SCOC: variants seen among roughly 807,000 people sequenced by gnomAD.
The protein encoded by SCOC is short coiled coil protein.
SCOC carries 7 observed loss-of-function variants against 9.9 expected under a neutral mutation model. That is an observed-to-expected ratio of 0.71 (90% CI 0.40 to 1.33). The LOEUF (loss-of-function observed/expected upper bound fraction) is 1.33. SCOC is among the 40% of genes most tolerant of loss of function. SCOC has a pLI of 0.01. For missense variants in SCOC, 66 were observed against 89.7 expected (o/e 0.74, Z 1.07); for synonymous variants, 19 against 28.2 (o/e 0.67, Z 1.03).
rs1425014018 is a variant in SCOC at position 140,286,692 on chromosome 4, A to G, written c.-19+29282A>G. 3.9e-5 allele frequency among the ~76,000 whole-genome samples: 6 copies of G among 152,232 alleles called. No homozygotes were observed. In the East Asian group the frequency reaches 7.7e-4, roughly 20 times the overall value. ...CTTGAGCGCATAAGCATGACTGCCA[A>G]TATCACGGTTGGTTAGCTTGTGGCC... On this transcript the variant is annotated intron_variant, in intron 1 of 4. Transcript: ENST00000394205.
At chr4:140,332,672 C>T (rs904107432) in intron 1 of SCOC, among the ~76,000 whole-genome samples, 3 of 152,042 alleles carry the variant, frequency 2.0e-5, no homozygotes, top group Admixed American at 6.6e-5. Context: ...CCACCGCGCC[C>T]GGCCTGGAGT....
chr4:140,279,158 T>C (rs1358585303), intron 1 of SCOC, among the ~76,000 whole-genome samples: 1 of 152,150 alleles, frequency 6.6e-6, no homozygotes, highest in African/African-American at 2.4e-5. Flanking sequence ...CTGGAGAATA[T>C]TCTCTCTCAT....
intron 2 of SCOC, chr4:140,366,582 C>T (rs1727807326): frequency 6.2e-7 from 1 of 1,604,986 alleles, no homozygotes; most frequent in African/African-American, 1.3e-5. Flanking sequence ...CTTCAATCTT[C>T]TTGGCCCATC....
intron 1 of SCOC, among the ~76,000 whole-genome samples, chr4:140,337,853 G>A (rs1035252471): frequency 6.6e-6 from 1 of 152,092 alleles, no homozygotes; most frequent in African/African-American, 2.4e-5. Context: ...ATTCACAGCT[G>A]AATTCTACCA....
chr4:140,359,149 G>C (rs1396602893), intron 2 of SCOC, among the ~76,000 whole-genome samples: 11 of 152,210 alleles, frequency 7.2e-5, no homozygotes, highest in Admixed American at 7.2e-4. Flanking sequence ...GAGTGATTCA[G>C]GAAGGGCTTA....
intron 1 of SCOC, among the ~76,000 whole-genome samples, chr4:140,296,889 C>A (rs542505705): frequency 6.6e-6 from 1 of 152,302 alleles, no homozygotes; most frequent in South Asian, 2.1e-4. Context: ...CCTGTCACTG[C>A]CCTTGCTGTG....
intron 1 of SCOC, among the ~76,000 whole-genome samples, chr4:140,265,990 G>T (rs933134984): frequency 6.6e-6 from 1 of 152,164 alleles, no homozygotes; most frequent in Non-Finnish European, 1.5e-5. Context: ...CCTCTGCTCT[G>T]TCCAGGGCTG....
intron 3 of SCOC, 123 bp from the exon 4 acceptor site, chr4:140,380,839 A>T: frequency 1.4e-6 from 1 of 723,094 alleles, no homozygotes; most frequent in Non-Finnish European, 2.1e-6. Context: ...GCTGTCTCTA[A>T]AATCCGAATT....
At chr4:140,291,367 G>T (rs778959806) in intron 1 of SCOC, 3 of 455,322 alleles carry the variant, frequency 6.6e-6, no homozygotes, top group Non-Finnish European at 1.3e-5. Flanking sequence ...GGTGGCAGCC[G>T]CCTGGCTCTT....
At chr4:140,370,138 T>C (rs1191716948), upstream of SCOC, among the ~76,000 whole-genome samples, 1 of 152,178 alleles carries the variant, frequency 6.6e-6, no homozygotes, top group Non-Finnish European at 1.5e-5. Context: ...TGTTTAGAAG[T>C]ACATAGTTTG....
At chr4:140,336,914 T>A (rs891324778) in intron 1 of SCOC, among the ~76,000 whole-genome samples, 1 of 152,230 alleles carries the variant, frequency 6.6e-6, no homozygotes, top group African/African-American at 2.4e-5. Flanking sequence ...TTTGTTTTCA[T>A]TTTAAATTAA....
At chr4:140,366,767 C>G in intron 2 of SCOC, 1 of 1,455,026 alleles carries the variant, frequency 6.9e-7, no homozygotes. Context: ...CTGTTTTGAT[C>G]AATAACATCT....
At chr4:140,305,410 C>T (rs937329685) in intron 1 of SCOC, among the ~76,000 whole-genome samples, 5 of 152,178 alleles carry the variant, frequency 3.3e-5, no homozygotes, top group Non-Finnish European at 7.3e-5. Flanking sequence ...AGGGCAGGAA[C>T]AAGCAGCAAA....
upstream of SCOC, among the ~76,000 whole-genome samples, chr4:140,368,710 G>C: frequency 6.6e-6 from 1 of 152,144 alleles, no homozygotes; most frequent in African/African-American, 2.4e-5. Flanking sequence ...TAAGTTGCAG[G>C]AGAAAAGGCG....
chr4:140,362,211 T>C (rs1224082662), intron 2 of SCOC, among the ~76,000 whole-genome samples: 3 of 107,482 alleles, frequency 2.8e-5, no homozygotes, highest in East Asian at 3.3e-4. Flanking sequence ...ACTATCCTGG[T>C]AATTACTAAT....
At position 140,379,052 on chromosome 4, in the gene SCOC, C is replaced by T. The variant is rs575759210; in HGVS notation, c.-50-69C>T. 1.6e-4 allele frequency: 155 copies of T among 951,710 alleles called. 1 individual carries two copies. The highest frequency in any genetic ancestry group is 2.1e-4 in the Middle Eastern group (1 of 4,728). The allele number at this position is 951,710 out of a possible 1,614,324, so 59.0% of individuals were successfully genotyped here. A position where few individuals can be genotyped will look rare whatever the true frequency, so the allele number is the denominator to read the frequency against. On this transcript the variant is annotated intron_variant, in intron 1 of 3. Transcript: ENST00000608372. ...CTATGTCATAGTTAACAAAATCATC[C>T]TCCTTTGAAAAACAGGCTTATAGTT... is the stretch of plus-strand genomic sequence containing the variant.
chr4:140,343,910 G>A (rs1188561308), intron 2 of SCOC, among the ~76,000 whole-genome samples: 4 of 150,934 alleles, frequency 2.7e-5, no homozygotes, highest in Non-Finnish European at 4.4e-5. Context: ...TAAAGTTGCT[G>A]TCATTATATA....
At chr4:140,335,802 A>T (rs1447865371) in intron 1 of SCOC, among the ~76,000 whole-genome samples, 1 of 152,122 alleles carries the variant, frequency 6.6e-6, no homozygotes, top group Non-Finnish European at 1.5e-5. Flanking sequence ...GAGAATGATG[A>T]TTAATTTACT....
chr4:140,325,741 T>C (rs1458961384), intron 1 of SCOC, among the ~76,000 whole-genome samples: 2 of 152,096 alleles, frequency 1.3e-5, no homozygotes, highest in African/African-American at 4.8e-5. Flanking sequence ...GCATACTAAA[T>C]AGCACAACCA....
Sources: gnomAD v4.1 joint callset for allele counts (sites outside exome capture counted in the v4.1 genomes callset) on GRCh38, gnomAD v4.1.1 for gene constraint, MANE v1.5 for transcripts, NCBI Gene and HGNC (gene_info 2026-07-23, HGNC 2026-07-21) for gene names.